Variants in KIAA1217 observed in about 807,000 individuals in gnomAD.
The protein encoded by KIAA1217 is KIAA1217.
KIAA1217 carries 88 observed loss-of-function variants against 163.9 expected under a neutral mutation model. The observed-to-expected ratio is 0.54, with a 90% confidence interval of 0.45 to 0.64. The LOEUF (loss-of-function observed/expected upper bound fraction) is 0.64, where lower values mean the gene tolerates loss of function less well. Among genes scored for constraint, KIAA1217 ranks in the 30% least tolerant of loss-of-function variants. The pLI is 0.00. For missense variants in KIAA1217, 2,372 were observed against 2,475.0 expected (o/e 0.96, Z 0.88); for synonymous variants, 903 against 923.1 (o/e 0.98, Z 0.39).
chr10:24,137,597 G>A (rs2063884326), intron 2 of KIAA1217, among the ~76,000 whole-genome samples: 1 of 152,178 alleles, frequency 6.6e-6, no homozygotes. Context: ...TTTTAAGCAA[G>A]GAGTTTTTAA....
At chr10:24,522,069 C>T (rs188211278) in intron 12 of KIAA1217, 140 bp downstream of exon 12, 2 of 895,254 alleles carry the variant, frequency 2.2e-6, no homozygotes, top group South Asian at 2.1e-5. Context: ...AAGTCCTTCT[C>T]ACCCTTGAAC....
intron 8 of KIAA1217, 92 bp downstream of exon 8, chr10:24,495,288 C>A: frequency 9.9e-7 from 1 of 1,010,642 alleles, no homozygotes; most frequent in South Asian, 1.5e-5. Flanking sequence ...TTCCCTAAGT[C>A]ACGTATTTGG....
intron 3 of KIAA1217, among the ~76,000 whole-genome samples, chr10:24,420,068 G>A (rs1039616395): frequency 2.0e-5 from 3 of 152,014 alleles, no homozygotes; most frequent in African/African-American, 7.2e-5. Context: ...TTTTCTCTGC[G>A]ATGGTCAGCT....
chr10:24,310,569 A>G (rs2042571190), intron 2 of KIAA1217, among the ~76,000 whole-genome samples: 1 of 152,178 alleles, frequency 6.6e-6, no homozygotes, highest in Non-Finnish European at 1.5e-5. Context: ...CACAAATTAC[A>G]CACCACTCCC....
chr10:24,402,166 GT>G (rs1021540176), intron 3 of KIAA1217, among the ~76,000 whole-genome samples: 1 of 151,946 alleles, frequency 6.6e-6, no homozygotes, highest in Non-Finnish European at 1.5e-5. Flanking sequence ...ACCACAGCAA[GT>G]TTTTTTTGTA....
intron 2 of KIAA1217, among the ~76,000 whole-genome samples, chr10:24,056,727 G>A (rs2060544910): frequency 1.3e-5 from 2 of 152,080 alleles, no homozygotes; most frequent in Admixed American, 6.6e-5. Flanking sequence ...ATGACCATGA[G>A]TAAGAGGCAG....
chr10:24,384,630 G>A (rs368886732), intron 3 of KIAA1217, among the ~76,000 whole-genome samples: 42 of 152,186 alleles, frequency 2.8e-4, no homozygotes, highest in South Asian at 1.5e-3. Flanking sequence ...TCTGTCTCCC[G>A]GGTTCACGCC....
intron 2 of KIAA1217, among the ~76,000 whole-genome samples, chr10:24,101,821 TTGTC>T (rs1482226296): frequency 6.6e-6 from 1 of 152,212 alleles, no homozygotes; most frequent in Non-Finnish European, 1.5e-5. Context: ...TACTTTTAAA[TTGTC>T]TGAACAGTAG....
intron 3 of KIAA1217, among the ~76,000 whole-genome samples, chr10:24,426,586 T>G (rs924186846): frequency 1.3e-5 from 2 of 151,972 alleles, no homozygotes; most frequent in Non-Finnish European, 2.9e-5. Flanking sequence ...GATCGCACCA[T>G]TGCACTCCAG....
At chr10:23,838,427 A>G (rs1452764181) in intron 1 of KIAA1217, among the ~76,000 whole-genome samples, 2 of 152,128 alleles carry the variant, frequency 1.3e-5, no homozygotes, top group Non-Finnish European at 2.9e-5. Flanking sequence ...GGCTAGGGAG[A>G]TAACAGACTT....
intron 1 of KIAA1217, among the ~76,000 whole-genome samples, chr10:23,770,667 A>G (rs1445689925): frequency 2.0e-5 from 3 of 152,104 alleles, no homozygotes; most frequent in African/African-American, 4.8e-5. Context: ...CCTCTTATTC[A>G]CCACTGAGTC....
intron 2 of KIAA1217, chr10:24,158,349 T>C (rs1241684009): frequency 1.5e-6 from 1 of 665,934 alleles, no homozygotes; most frequent in South Asian, 1.4e-5. Context: ...TTGATGACAC[T>C]TGGGTGACTG....
chr10:23,845,046 G>A (rs1312943659), intron 1 of KIAA1217, among the ~76,000 whole-genome samples: 7 of 152,118 alleles, frequency 4.6e-5, no homozygotes, highest in Admixed American at 3.3e-4. Context: ...CTTCATCCAT[G>A]TCCCTGCAAA....
intron 1 of KIAA1217, among the ~76,000 whole-genome samples, chr10:23,780,573 A>G (rs1047174754): frequency 2.6e-5 from 4 of 152,226 alleles, no homozygotes; most frequent in African/African-American, 7.2e-5. Context: ...TGCAACATAC[A>G]TGTTGCTGTT....
intron 2 of KIAA1217, among the ~76,000 whole-genome samples, chr10:24,363,201 G>A (rs974111975): frequency 2.6e-5 from 4 of 152,118 alleles, no homozygotes; most frequent in Admixed American, 2.0e-4. Context: ...AGTACTGTAC[G>A]TGTGTCATTC....
chr10:23,902,240 G>A (rs1325844010), intron 1 of KIAA1217, among the ~76,000 whole-genome samples: 1 of 152,052 alleles, frequency 6.6e-6, no homozygotes, highest in Non-Finnish European at 1.5e-5. Context: ...GGTGCTGGTG[G>A]CCATTATCCT....
chr10:24,518,533 C>T (rs193288860), intron 10 of KIAA1217, among the ~76,000 whole-genome samples: 2 of 152,302 alleles, frequency 1.3e-5, no homozygotes, highest in East Asian at 3.9e-4. Context: ...GTATTAATTA[C>T]GCACTGACAG....
At chr10:24,224,998 T>G (rs1233842500) in intron 2 of KIAA1217, among the ~76,000 whole-genome samples, 1 of 151,938 alleles carries the variant, frequency 6.6e-6, no homozygotes, top group African/African-American at 2.4e-5. Context: ...AGCTAATATT[T>G]TGTATTTTTA....
chr10:24,230,451 TGTA>T (rs2071217170), intron 2 of KIAA1217, among the ~76,000 whole-genome samples: 1 of 151,838 alleles, frequency 6.6e-6, no homozygotes, highest in Non-Finnish European at 1.5e-5. Context: ...GAGCCTGTAG[TGTA>T]GTCCATCCTC....
Sources: allele counts gnomAD v4.1 joint callset (sites outside exome capture counted in the v4.1 genomes callset), GRCh38; gene constraint gnomAD v4.1.1; transcripts MANE v1.5; gene names NCBI Gene and HGNC (gene_info 2026-07-23, HGNC 2026-07-21).